Variants in ZNF257 observed in about 807,000 individuals in gnomAD.
ZNF257 encodes zinc finger protein 257.
A neutral mutation model predicts 11.9 loss-of-function variants in ZNF257; 12 were observed. The ratio of observed to expected loss-of-function variants is 1.01; its 90% CI spans 0.65 to 1.63. The LOEUF (loss-of-function observed/expected upper bound fraction) is 1.63. Ranked by LOEUF, ZNF257 falls within the 40% of genes most tolerant of loss-of-function variation. The pLI, the probability that ZNF257 is intolerant of heterozygous loss-of-function variation, is 0.00. For synonymous variants in ZNF257, 183 were observed against 222.7 expected (o/e 0.82, Z 1.59); for missense variants, 580 against 665.5 (o/e 0.87, Z 1.41).
intron 3 of ZNF257, among the ~76,000 whole-genome samples, chr19:22,080,703 T>G (rs1310855692): frequency 1.3e-5 from 2 of 151,388 alleles, no homozygotes; most frequent in African/African-American, 4.8e-5. Flanking sequence ...ATCTGAATTT[T>G]CTATTTATTA....
At chr19:22,058,187 G>A (rs954226872) in intron 1 of ZNF257, among the ~76,000 whole-genome samples, 2 of 152,094 alleles carry the variant, frequency 1.3e-5, no homozygotes, top group African/African-American at 4.8e-5. Context: ...TCCATGAACT[G>A]TTCCTGGAGC....
chr19:22,074,704 A>G (rs1444577475), intron 3 of ZNF257, among the ~76,000 whole-genome samples: 1 of 151,424 alleles, frequency 6.6e-6, no homozygotes, highest in African/African-American at 2.4e-5. Flanking sequence ...TGTCTATTTT[A>G]CCAGATAGTT....
At chr19:22,087,230 T>G (rs2022495854) in intron 3 of ZNF257, among the ~76,000 whole-genome samples, 1 of 151,156 alleles carries the variant, frequency 6.6e-6, no homozygotes, top group Non-Finnish European at 1.5e-5. Flanking sequence ...GACTGGGACA[T>G]TTAAAAAAAA....
Position 22,052,521 on chromosome 19 carries a change from T to C in ZNF257, c.-112T>C. The C allele has an allele frequency of 7.5e-7, 1 of 1,339,134 alleles. No individual in the cohort carries two copies. The highest frequency in any genetic ancestry group is 1.2e-5 in the South Asian group (1 of 85,590). 83.0% of individuals were successfully genotyped at this position (1,339,134 alleles called of 1,614,324 possible). ...GCTCTAGCCCGAGCTGCAGGTCTCG[T>C]CTTCCCTGGTCTGTGTCCTCTTCTC... On this transcript the variant is annotated 5_prime_UTR_variant, in exon 1 of 4. Transcript: ENST00000594947.
chr19:22,078,778 A>G (rs1357086585), intron 3 of ZNF257, among the ~76,000 whole-genome samples: 1 of 148,042 alleles, frequency 6.8e-6, no homozygotes. Flanking sequence ...GTTGACACCC[A>G]GTTTTCTTTC....
chr19:22,062,223 C>CTTTTTTTT (rs34283330), intron 1 of ZNF257, among the ~76,000 whole-genome samples: 4 of 101,800 alleles, frequency 3.9e-5, no homozygotes, highest in African/African-American at 1.6e-4. Context: ...ACTGCGCCTG[C>CTTTTTTTT]TTTTTTTTTT....
Position 22,088,480 on chromosome 19 carries a change from C to A in ZNF257, c.730C>A (p.Leu244Ile). 6.2e-7 allele frequency: 1 copy of A among 1,611,786 alleles called. No individual in the cohort carries two copies. The highest frequency in any genetic ancestry group is 1.1e-5 in the South Asian group (1 of 90,730). Residue 244 changes from leucine (L) to isoleucine (I), a missense_variant, in exon 4 of 4, where the codon CTT becomes ATT. By Grantham distance (5) the Leu-to-Ile change is conservative (BLOSUM62 2). Transcript: ENST00000594947. The part of the protein sequence containing the change: ...CGKAFNRSSH[L>I]TQHKVIHTRE... ...AAAAGCTTTTAACCGGTCTTCACAC[C>A]TTACTCAACATAAGGTAATTCATAC...
At chr19:22,059,507 G>A (rs552060307) in intron 1 of ZNF257, among the ~76,000 whole-genome samples, 1 of 151,670 alleles carries the variant, frequency 6.6e-6, no homozygotes, top group Non-Finnish European at 1.5e-5. Context: ...GGCTGGTCTC[G>A]AACTCCTGAC....
chr19:22,080,883 G>GTTT (rs35481296), intron 3 of ZNF257, among the ~76,000 whole-genome samples: 2 of 143,208 alleles, frequency 1.4e-5, no homozygotes, highest in South Asian at 2.1e-4. Flanking sequence ...TATATAGTTG[G>GTTT]TTTTTTTTTT....
At chr19:22,068,545 A>G (rs1485517007) in intron 1 of ZNF257, among the ~76,000 whole-genome samples, 2 of 152,150 alleles carry the variant, frequency 1.3e-5, no homozygotes, top group African/African-American at 2.4e-5. Flanking sequence ...TGAGATGTCA[A>G]CATAGACATC....
At chr19:22,069,529 T>C (rs10420898) in intron 1 of ZNF257, among the ~76,000 whole-genome samples, 35,785 of 151,714 alleles carry the variant, frequency 0.24, 5,742 homozygotes, top group African/African-American at 0.46. Context: ...GCAGGAGAAT[T>C]GCCTGAACCC....
At chr19:22,078,089 T>C (rs992927667) in intron 3 of ZNF257, among the ~76,000 whole-genome samples, 1 of 148,054 alleles carries the variant, frequency 6.8e-6, no homozygotes, top group Admixed American at 6.7e-5. Context: ...AAAAAAAAAA[T>C]TAGCTGGGCG....
At chr19:22,066,741 CATAT>C (rs748072658) in intron 1 of ZNF257, among the ~76,000 whole-genome samples, 23 of 152,098 alleles carry the variant, frequency 1.5e-4, no homozygotes, top group Non-Finnish European at 2.8e-4. Context: ...AACCATGTAG[CATAT>C]ATGGAAGGCC....
At chr19:22,072,597 GGT>G (rs2022129051) in intron 1 of ZNF257, among the ~76,000 whole-genome samples, 1 of 152,072 alleles carries the variant, frequency 6.6e-6, no homozygotes. Context: ...CTGGCTGCTT[GGT>G]AAATGTGTAT....
chr19:22,066,578 A>C (rs1408991706), intron 1 of ZNF257, among the ~76,000 whole-genome samples: 1 of 151,846 alleles, frequency 6.6e-6, no homozygotes, highest in Non-Finnish European at 1.5e-5. Context: ...GTAGAGAGCC[A>C]TTATTTTAAA....
At chr19:22,076,665 A>G (rs11667209) in intron 3 of ZNF257, among the ~76,000 whole-genome samples, 34,745 of 151,880 alleles carry the variant, frequency 0.23, 4,694 homozygotes, top group South Asian at 0.44. Context: ...TTGCAGTTCC[A>G]TATTAGTGTG....
chr19:22,070,478 G>A (rs559945351), intron 1 of ZNF257, among the ~76,000 whole-genome samples: 1 of 152,148 alleles, frequency 6.6e-6, no homozygotes, highest in Non-Finnish European at 1.5e-5. Flanking sequence ...TCCCAGCACA[G>A]TGCTCCGTAA....
chr19:22,058,395 G>C (rs998584444), intron 1 of ZNF257, among the ~76,000 whole-genome samples: 6 of 152,040 alleles, frequency 3.9e-5, no homozygotes, highest in African/African-American at 1.4e-4. Context: ...CATTGAACTT[G>C]AGGGAGGTTA....
intron 1 of ZNF257, among the ~76,000 whole-genome samples, chr19:22,056,689 A>G (rs1353934598): frequency 6.6e-6 from 1 of 151,930 alleles, no homozygotes; most frequent in African/African-American, 2.4e-5. Flanking sequence ...CATGTTAGCC[A>G]GGATGGTCTC....
Sources: gnomAD v4.1 joint callset for allele counts (sites outside exome capture counted in the v4.1 genomes callset) on GRCh38, gnomAD v4.1.1 for gene constraint, MANE v1.5 for transcripts, NCBI Gene and HGNC (gene_info 2026-07-23, HGNC 2026-07-21) for gene names.